ST3GAL1: variants seen among roughly 807,000 people sequenced by gnomAD.
ST3GAL1 encodes CMP-N-acetylneuraminate-beta-galactosamide-alpha-2,3-sialyltransferase 1.
ST3GAL1 carries 16 observed loss-of-function variants against 34.1 expected under a neutral mutation model. The observed-to-expected ratio is 0.47, with a 90% CI of 0.32 to 0.71. The LOEUF is 0.71. ST3GAL1 is among the 30% of genes least tolerant of loss of function. The probability of loss-of-function intolerance (pLI) is 0.04; values close to 1 mark genes in which losing one functional copy is unlikely to be tolerated. For synonymous variants in ST3GAL1, 191 were observed against 184.7 expected (o/e 1.03, Z -0.28); for missense variants, 353 against 447.4 (o/e 0.79, Z 1.90).
chr8:133,527,872 C>T (rs1173970316), intron 2 of ST3GAL1, among the ~76,000 whole-genome samples: 1 of 152,146 alleles, frequency 6.6e-6, no homozygotes, highest in African/African-American at 2.4e-5. Context: ...ATCGAGAGCT[C>T]ATTAAAATTA....
At chr8:133,528,421 C>T (rs1025663028) in intron 2 of ST3GAL1, among the ~76,000 whole-genome samples, 2 of 152,230 alleles carry the variant, frequency 1.3e-5, no homozygotes, top group African/African-American at 4.8e-5. Context: ...ATTGAGGGCA[C>T]AATCCTGACT....
chr8:133,526,240 A>G (rs1817971528), intron 2 of ST3GAL1, among the ~76,000 whole-genome samples: 1 of 152,142 alleles, frequency 6.6e-6, no homozygotes, highest in Admixed American at 6.5e-5. Flanking sequence ...AACTCTACCC[A>G]TCCCTGTGTC....
intron 2 of ST3GAL1, among the ~76,000 whole-genome samples, chr8:133,523,095 A>G (rs1817858627): frequency 6.6e-6 from 1 of 151,818 alleles, no homozygotes; most frequent in African/African-American, 2.4e-5. Context: ...GCGCTCTGTC[A>G]CTCCCACCTG....
chr8:133,510,315 C>T (rs375739689), intron 2 of ST3GAL1, among the ~76,000 whole-genome samples: 64 of 152,270 alleles, frequency 4.2e-4, no homozygotes, highest in Middle Eastern at 3.4e-3. Flanking sequence ...CTATCAGATA[C>T]GAGGCCAATA....
intron 2 of ST3GAL1, among the ~76,000 whole-genome samples, chr8:133,541,772 C>A (rs72720272): frequency 0.017 from 2,562 of 152,248 alleles, 28 homozygotes; most frequent in Non-Finnish European, 0.025. Flanking sequence ...AGTTAATTAG[C>A]TTTTCAGAGT....
chr8:133,553,595 C>T (rs11775634), intron 1 of ST3GAL1, among the ~76,000 whole-genome samples: 9,870 of 152,234 alleles, frequency 0.065, 526 homozygotes, highest in East Asian at 0.3. Flanking sequence ...TCCCTGACCT[C>T]ATAGGGTTAT....
intron 1 of ST3GAL1, among the ~76,000 whole-genome samples, chr8:133,564,553 C>CAT (rs1232550194): frequency 6.6e-6 from 1 of 151,490 alleles, no homozygotes; most frequent in East Asian, 1.9e-4. Flanking sequence ...CACACACACA[C>CAT]AGAGTCAGAA....
intron 3 of ST3GAL1, among the ~76,000 whole-genome samples, chr8:133,498,658 G>A (rs1817047888): frequency 6.6e-6 from 1 of 152,182 alleles, no homozygotes; most frequent in Non-Finnish European, 1.5e-5. Flanking sequence ...GTGTAACTAC[G>A]CAACCATCCA....
chr8:133,524,548 C>T (rs1244895642), intron 2 of ST3GAL1, among the ~76,000 whole-genome samples: 3 of 152,252 alleles, frequency 2.0e-5, no homozygotes, highest in Non-Finnish European at 4.4e-5. Flanking sequence ...TTGTGCTCAG[C>T]TTATGCTACC....
chr8:133,485,151 CG>C (rs767445098), intron 3 of ST3GAL1, among the ~76,000 whole-genome samples: 8 of 152,278 alleles, frequency 5.3e-5, no homozygotes, highest in Non-Finnish European at 1.2e-4. Flanking sequence ...TGTTCCCACT[CG>C]CTGTGTGCTT....
Position 133,461,668 on chromosome 8 carries a change from T to G in ST3GAL1, c.849+207A>C, listed in dbSNP as rs145253991. Among the ~76,000 whole-genome samples the G allele has an allele frequency of 8.5e-5, 13 of 152,290 alleles. No individual in the cohort carries two copies. The East Asian group carries it at 2.5e-3, about 29-fold the overall frequency. ...CTTACACAGAATGTGCCAGAACTAT[T>G]GCTCCTGAGAACTTTCTCATAGAGC... On this transcript the variant is annotated intron_variant, in intron 9 of 9. Coordinates refer to ENST00000522652, the MANE Select transcript of ST3GAL1 (RefSeq NM_173344.3). The surrounding 1 kb of genome is among the most constrained non-coding windows in gnomAD (Gnocchi z 4.7).
chr8:133,568,709 G>A (rs1819478761), intron 1 of ST3GAL1, among the ~76,000 whole-genome samples: 1 of 151,696 alleles, frequency 6.6e-6, no homozygotes, highest in African/African-American at 2.4e-5. Flanking sequence ...ACTCAAGCAA[G>A]GTTACCTGAC....
intron 2 of ST3GAL1, among the ~76,000 whole-genome samples, chr8:133,503,857 G>C (rs1167365504): frequency 6.6e-6 from 1 of 152,230 alleles, no homozygotes; most frequent in Non-Finnish European, 1.5e-5. Context: ...TGTTTACGAT[G>C]AGGTGATGCA....
At chr8:133,555,043 C>T (rs1013957649) in intron 1 of ST3GAL1, among the ~76,000 whole-genome samples, 2 of 152,010 alleles carry the variant, frequency 1.3e-5, no homozygotes, top group African/African-American at 2.4e-5. Flanking sequence ...GGTTTTTCTA[C>T]TTCACTCTGA....
intron 3 of ST3GAL1, among the ~76,000 whole-genome samples, chr8:133,492,090 C>A (rs944537926): frequency 2.6e-5 from 4 of 152,094 alleles, no homozygotes; most frequent in African/African-American, 9.7e-5. Flanking sequence ...CCTGGTGAGG[C>A]TCGGGATGGA....
In ST3GAL1 at chr8:133,540,673, A is replaced by C. The variant is rs150306236; in HGVS notation, c.-429+5101T>G. 3.5e-3 allele frequency among the ~76,000 whole-genome samples: 516 copies of C among 147,988 alleles called. 3 individuals carry two copies. The highest frequency in any genetic ancestry group is 0.012 in the African/African-American group (477 of 40,202). The stretch of plus-strand genomic sequence containing the variant: ...CACCCATGCTATGCCCTGCCCTGGG[A>C]CCCCCTGCCCCTGCCCACACCATAT... On this transcript the variant is annotated intron_variant, in intron 2 of 9. Transcript: ENST00000522652.
intron 3 of ST3GAL1, among the ~76,000 whole-genome samples, chr8:133,478,850 T>G (rs1376596082): frequency 6.6e-6 from 1 of 152,184 alleles, no homozygotes; most frequent in Non-Finnish European, 1.5e-5. Context: ...TCAGCCTCAC[T>G]ATGGCAGTGA....
chr8:133,512,296 T>C (rs951743046), intron 2 of ST3GAL1, among the ~76,000 whole-genome samples: 5 of 152,292 alleles, frequency 3.3e-5, no homozygotes, highest in South Asian at 2.1e-4. Flanking sequence ...TGGAGTCCGA[T>C]GTTCGAGGGC....
intron 3 of ST3GAL1, among the ~76,000 whole-genome samples, chr8:133,477,903 T>G (rs919451580): frequency 1.3e-5 from 2 of 152,132 alleles, no homozygotes; most frequent in African/African-American, 4.8e-5. Flanking sequence ...TTGATCACCT[T>G]TTGGTAGAAA....
Sources: allele counts gnomAD v4.1 joint callset (sites outside exome capture counted in the v4.1 genomes callset), GRCh38; gene constraint gnomAD v4.1.1; non-coding constraint Gnocchi (gnomAD v3.1); transcripts MANE v1.5; gene names NCBI Gene and HGNC (gene_info 2026-07-23, HGNC 2026-07-21).